EFCAB6: variants seen among roughly 807,000 people sequenced by gnomAD.
EFCAB6 encodes EF-hand calcium-binding domain-containing protein 6.
In EFCAB6, 156 loss-of-function variants were observed where a neutral mutation model predicts 169.8. The observed-to-expected ratio is 0.92, with a 90% CI of 0.81 to 1.05. The LOEUF is 1.05. EFCAB6 is among the 50% of genes least tolerant of loss of function. The pLI, the probability that EFCAB6 is intolerant of heterozygous loss-of-function variation, is 0.00. For synonymous variants in EFCAB6, 698 were observed against 676.4 expected (o/e 1.03, Z -0.50); for missense variants, 1,800 against 1,829.1 (o/e 0.98, Z 0.29).
chr22:43,687,397 A>ACAGATATT, intron 11 of EFCAB6, 74 bp downstream of exon 11: 1 of 910,894 alleles, frequency 1.1e-6, no homozygotes, highest in Non-Finnish European at 1.6e-6. Context: ...AAAAAGTAGC[A>ACAGATATT]CAGATATTCT....
At chr22:43,656,203 C>T (rs1053112014) in intron 17 of EFCAB6, among the ~76,000 whole-genome samples, 6 of 151,990 alleles carry the variant, frequency 3.9e-5, no homozygotes, top group Non-Finnish European at 8.8e-5. Flanking sequence ...CCACCCTGAC[C>T]AACATGGTGA....
At chr22:43,746,040 CT>C (rs2060549550) in intron 6 of EFCAB6, among the ~76,000 whole-genome samples, 1 of 152,196 alleles carries the variant, frequency 6.6e-6, no homozygotes, top group Non-Finnish European at 1.5e-5. Flanking sequence ...TATTTACCAG[CT>C]GGTAGAGATG....
chr22:43,629,069 G>T (rs2054735942), intron 19 of EFCAB6, among the ~76,000 whole-genome samples: 1 of 152,224 alleles, frequency 6.6e-6, no homozygotes, highest in Admixed American at 6.5e-5. Flanking sequence ...ATCTACTAGG[G>T]AAGCAAGACA....
At chr22:43,642,016 C>T (rs2055837476) in intron 17 of EFCAB6, among the ~76,000 whole-genome samples, 1 of 148,234 alleles carries the variant, frequency 6.7e-6, no homozygotes, top group Non-Finnish European at 1.5e-5. Flanking sequence ...TCTTGGCTCA[C>T]CACAACCTCC....
chr22:43,779,870 T>A (rs2061758808), intron 3 of EFCAB6, among the ~76,000 whole-genome samples: 1 of 152,068 alleles, frequency 6.6e-6, no homozygotes, highest in Non-Finnish European at 1.5e-5. Flanking sequence ...AGGTTCACAT[T>A]TTCAATACAA....
chr22:43,567,488 T>A (rs926250412), intron 26 of EFCAB6, among the ~76,000 whole-genome samples: 2 of 152,144 alleles, frequency 1.3e-5, no homozygotes, highest in Admixed American at 1.3e-4. Flanking sequence ...GGAATGCAAA[T>A]GTTTGGTGTT....
At chr22:43,738,198 TCAAACTCACACACGTGCATATACTCACA>T in intron 6 of EFCAB6, among the ~76,000 whole-genome samples, 1 of 140,396 alleles carries the variant, frequency 7.1e-6, no homozygotes, top group South Asian at 2.3e-4. Flanking sequence ...CTGCATATAC[TCAAACTCACACACGTGCATATACTCACA>T]CATTCACACC....
intron 9 of EFCAB6, among the ~76,000 whole-genome samples, chr22:43,714,869 T>C (rs2059278691): frequency 6.6e-6 from 1 of 152,174 alleles, no homozygotes; most frequent in South Asian, 2.1e-4. Flanking sequence ...GGATAAACTG[T>C]GATCAGTGCT....
intron 3 of EFCAB6, among the ~76,000 whole-genome samples, chr22:43,775,145 G>GT (rs2061599137): frequency 6.6e-6 from 1 of 152,128 alleles, no homozygotes; most frequent in Admixed American, 6.6e-5. Flanking sequence ...GAGGGGCCAG[G>GT]TGAGGGATGG....
intron 20 of EFCAB6, among the ~76,000 whole-genome samples, chr22:43,625,273 C>T (rs1443221231): frequency 1.3e-5 from 2 of 152,088 alleles, no homozygotes; most frequent in Non-Finnish European, 2.9e-5. Context: ...CTGTCTAGAA[C>T]CCCTGGGGAC....
chr22:43,618,911 T>C (rs1235304821), intron 20 of EFCAB6, among the ~76,000 whole-genome samples: 1 of 686 alleles, frequency 1.5e-3, no homozygotes, highest in Non-Finnish European at 2.0e-3. Flanking sequence ...TCTCTCTCTC[T>C]TTTTTTTTTT....
At chr22:43,733,410 G>A (rs1277768077) in intron 7 of EFCAB6, among the ~76,000 whole-genome samples, 1 of 152,202 alleles carries the variant, frequency 6.6e-6, no homozygotes, top group Non-Finnish European at 1.5e-5. Context: ...TGGCCTCCAG[G>A]GCAGTGGAGA....
chr22:43,651,652 T>C (rs1026013105), intron 17 of EFCAB6, among the ~76,000 whole-genome samples: 5 of 152,162 alleles, frequency 3.3e-5, no homozygotes, highest in African/African-American at 1.2e-4. Flanking sequence ...CTGGAAAAGC[T>C]GCAGACACTC....
intron 20 of EFCAB6, among the ~76,000 whole-genome samples, chr22:43,619,229 G>A (rs925979175): frequency 6.6e-6 from 1 of 152,208 alleles, no homozygotes; most frequent in African/African-American, 2.4e-5. Flanking sequence ...GGGTTTCCCT[G>A]AAGAGCGCTG....
chr22:43,702,693 G>A (rs1435306690), intron 10 of EFCAB6, among the ~76,000 whole-genome samples: 1 of 152,140 alleles, frequency 6.6e-6, no homozygotes, highest in Non-Finnish European at 1.5e-5. Flanking sequence ...AGGAGACAAA[G>A]CGGGAGCTCT....
At chr22:43,585,522 A>G (rs1283942274) in intron 24 of EFCAB6, among the ~76,000 whole-genome samples, 1 of 152,232 alleles carries the variant, frequency 6.6e-6, no homozygotes, top group Non-Finnish European at 1.5e-5. Context: ...AATACCAGAA[A>G]GAGAAAGAGA....
chr22:43,540,065 C>T, intron 28 of EFCAB6, 62 bp downstream of exon 28: 3 of 1,579,294 alleles, frequency 1.9e-6, no homozygotes, highest in Non-Finnish European at 2.6e-6. Flanking sequence ...AAAGTCCCCC[C>T]AGTGGGATTT....
At chr22:43,659,032 A>T (rs5763951) in intron 17 of EFCAB6, among the ~76,000 whole-genome samples, 1 of 151,902 alleles carries the variant, frequency 6.6e-6, no homozygotes, top group Non-Finnish European at 1.5e-5. Flanking sequence ...AGCCTCAGGA[A>T]CTCCCGCTGT....
chr22:43,549,318 T>C (rs2048252876), intron 27 of EFCAB6, among the ~76,000 whole-genome samples: 1 of 152,010 alleles, frequency 6.6e-6, no homozygotes, highest in South Asian at 2.1e-4. Flanking sequence ...TCTGGCAAGA[T>C]TAAGCCAGGA....
Sources: gnomAD v4.1 joint callset for allele counts (sites outside exome capture counted in the v4.1 genomes callset) on GRCh38, gnomAD v4.1.1 for gene constraint, MANE v1.5 for transcripts, NCBI Gene and HGNC (gene_info 2026-07-23, HGNC 2026-07-21) for gene names.